Variants in ASIC2 observed in about 807,000 individuals in gnomAD.
ASIC2 encodes the protein acid-sensing ion channel 2.
A neutral mutation model predicts 57.3 loss-of-function variants in ASIC2; 25 were observed. The observed-to-expected ratio is 0.44, with a 90% CI of 0.32 to 0.61. The LOEUF (loss-of-function observed/expected upper bound fraction) is 0.61, where lower values mean the gene tolerates loss of function less well. Ranked by LOEUF, ASIC2 falls within the 20% of genes least tolerant of loss-of-function variation. The pLI is 0.06. For missense variants in ASIC2, 641 were observed against 738.1 expected (o/e 0.87, Z 1.52); for synonymous variants, 319 against 307.5 (o/e 1.04, Z -0.39).
chr17:34,033,569 T>A (rs1265406833), intron 1 of ASIC2, among the ~76,000 whole-genome samples: 1 of 152,080 alleles, frequency 6.6e-6, no homozygotes, highest in Non-Finnish European at 1.5e-5. Flanking sequence ...AATTAATGAA[T>A]CCGGGAGTTG....
At chr17:33,913,411 T>C (rs1295743339) in intron 1 of ASIC2, among the ~76,000 whole-genome samples, 1 of 152,200 alleles carries the variant, frequency 6.6e-6, no homozygotes, top group Admixed American at 6.5e-5. Context: ...ATTTATTTTT[T>C]AGTTAAATTC....
chr17:33,475,242 A>AC, intron 1 of ASIC2, among the ~76,000 whole-genome samples: 2 of 150,608 alleles, frequency 1.3e-5, no homozygotes, highest in African/African-American at 2.4e-5. Context: ...CCACATCCCC[A>AC]CCCCCCAGTA....
chr17:34,039,336 C>T, intron 1 of ASIC2: 1 of 1,613,978 alleles, frequency 6.2e-7, no homozygotes, highest in South Asian at 1.1e-5. Flanking sequence ...GACTGTTTTG[C>T]TGAGCTGAAA....
intron 1 of ASIC2, chr17:33,541,139 G>T (rs888656621): frequency 1.3e-5 from 2 of 151,962 alleles, no homozygotes; most frequent in Non-Finnish European, 2.9e-5. Context: ...AATTGGTTTT[G>T]CCATCTTAAG....
intron 1 of ASIC2, among the ~76,000 whole-genome samples, chr17:34,105,757 T>C (rs114261603): frequency 0.029 from 4,434 of 152,166 alleles, 227 homozygotes; most frequent in African/African-American, 0.1. Flanking sequence ...TTGCTCGTTC[T>C]TACTATGTAT....
At chr17:33,071,298 T>C (rs1390967344) in intron 3 of ASIC2, among the ~76,000 whole-genome samples, 2 of 152,168 alleles carry the variant, frequency 1.3e-5, no homozygotes, top group African/African-American at 4.8e-5. Context: ...AAATCCTTGT[T>C]TTTCTATTTC....
At chr17:33,059,856 C>A (rs2092013353) in intron 3 of ASIC2, among the ~76,000 whole-genome samples, 1 of 152,212 alleles carries the variant, frequency 6.6e-6, no homozygotes, top group South Asian at 2.1e-4. Context: ...ACCATTCTAA[C>A]TGGTGTGAGA....
chr17:33,974,534 C>T (rs1905315075), intron 1 of ASIC2, among the ~76,000 whole-genome samples: 2 of 152,114 alleles, frequency 1.3e-5, no homozygotes, highest in Admixed American at 1.3e-4. Context: ...GAGACTTAGG[C>T]AAGTCCAGCC....
chr17:33,803,681 A>G (rs950602800), intron 1 of ASIC2, among the ~76,000 whole-genome samples: 11 of 147,370 alleles, frequency 7.5e-5, no homozygotes, highest in African/African-American at 2.5e-4. Context: ...AATTCATTTC[A>G]CCCACAAAAC....
intron 6 of ASIC2, among the ~76,000 whole-genome samples, chr17:33,023,253 C>T (rs1053046282): frequency 9.9e-5 from 15 of 152,026 alleles, no homozygotes; most frequent in African/African-American, 3.1e-4. Flanking sequence ...TTTAGGAGGC[C>T]GAGGTGGGTG....
intron 1 of ASIC2, among the ~76,000 whole-genome samples, chr17:33,737,258 A>T (rs1362669527): frequency 6.6e-6 from 1 of 152,256 alleles, no homozygotes; most frequent in Non-Finnish European, 1.5e-5. Context: ...CATTTTAATC[A>T]TCAGTCTCAT....
At chr17:33,676,279 G>T (rs973504939) in intron 1 of ASIC2, among the ~76,000 whole-genome samples, 4 of 152,206 alleles carry the variant, frequency 2.6e-5, no homozygotes, top group Non-Finnish European at 4.4e-5. Flanking sequence ...AAGTAGTCAA[G>T]TGAAAGAAGG....
At chr17:33,202,318 G>A (rs779046417) in intron 1 of ASIC2, among the ~76,000 whole-genome samples, 1 of 152,202 alleles carries the variant, frequency 6.6e-6, no homozygotes, top group Admixed American at 6.5e-5. Context: ...TGATGAGTTT[G>A]GGAGGGAGAA....
intron 1 of ASIC2, among the ~76,000 whole-genome samples, chr17:33,842,882 G>A (rs980613137): frequency 1.4e-4 from 22 of 152,186 alleles, no homozygotes; most frequent in Non-Finnish European, 2.9e-4. Context: ...TTTGGAGAGG[G>A]CCCAGCGGGG....
intron 1 of ASIC2, among the ~76,000 whole-genome samples, chr17:33,273,017 T>A (rs1240344522): frequency 6.6e-6 from 1 of 152,192 alleles, no homozygotes; most frequent in African/African-American, 2.4e-5. Context: ...CAGGACTCAC[T>A]CCTGTTTCAC....
intron 1 of ASIC2, among the ~76,000 whole-genome samples, chr17:33,321,234 G>C (rs148199133): frequency 6.6e-6 from 1 of 152,088 alleles, no homozygotes. Context: ...TTATTTCCTC[G>C]AGCCTAAGTG....
intron 1 of ASIC2, among the ~76,000 whole-genome samples, chr17:33,941,787 G>A (rs768099803): frequency 4.6e-5 from 7 of 152,222 alleles, no homozygotes; most frequent in Non-Finnish European, 8.8e-5. Context: ...GGACATAAGA[G>A]AGAGGTTTGC....
intron 1 of ASIC2, among the ~76,000 whole-genome samples, chr17:33,724,451 T>C (rs2142085818): frequency 6.6e-6 from 1 of 152,210 alleles, no homozygotes; most frequent in South Asian, 2.1e-4. Flanking sequence ...TAGACATTGG[T>C]GAGATCCAAG....
At chr17:33,887,098 C>A (rs1914847990) in intron 1 of ASIC2, among the ~76,000 whole-genome samples, 1 of 152,144 alleles carries the variant, frequency 6.6e-6, no homozygotes, top group Non-Finnish European at 1.5e-5. Flanking sequence ...AAAACCTGTT[C>A]CTAGTACCCA....
Sources: gnomAD v4.1 joint callset for allele counts (sites outside exome capture counted in the v4.1 genomes callset) on GRCh38, gnomAD v4.1.1 for gene constraint, MANE v1.5 for transcripts, NCBI Gene and HGNC (gene_info 2026-07-23, HGNC 2026-07-21) for gene names.